TMEM132D: variants seen among roughly 807,000 people sequenced by gnomAD.
TMEM132D encodes the protein mature OL transmembrane protein.
Under a neutral mutation model 62.3 loss-of-function variants are expected in TMEM132D, and 21 were observed. That is an observed-to-expected ratio of 0.34 (90% CI 0.24 to 0.49). TMEM132D has a LOEUF of 0.49. TMEM132D is among the 20% of genes least tolerant of loss of function. The pLI, the probability that TMEM132D is intolerant of heterozygous loss-of-function variation, is 0.99. For synonymous variants in TMEM132D, 621 were observed against 575.6 expected (o/e 1.08, Z -1.13); for missense variants, 1,346 against 1,402.8 (o/e 0.96, Z 0.65).
chr12:129,332,097 G>A (rs1869123490), intron 4 of TMEM132D, among the ~76,000 whole-genome samples: 1 of 152,162 alleles, frequency 6.6e-6, no homozygotes, highest in Admixed American at 6.5e-5. Context: ...GTAAACACCA[G>A]TCTCCAGATT....
At chr12:129,751,242 T>C (rs1014792653) in intron 1 of TMEM132D, among the ~76,000 whole-genome samples, 2 of 152,106 alleles carry the variant, frequency 1.3e-5, no homozygotes, top group African/African-American at 2.4e-5. Context: ...CTTACAATCA[T>C]GGTGGGAGGC....
intron 4 of TMEM132D, among the ~76,000 whole-genome samples, chr12:129,299,784 G>C (rs1167225934): frequency 1.3e-5 from 2 of 152,148 alleles, no homozygotes; most frequent in East Asian, 3.8e-4. Flanking sequence ...CGTTCTCATG[G>C]TGGTGCTAAA....
intron 3 of TMEM132D, among the ~76,000 whole-genome samples, chr12:129,357,470 A>G (rs1593349807): frequency 6.6e-6 from 1 of 151,288 alleles, no homozygotes; most frequent in Non-Finnish European, 1.5e-5. Flanking sequence ...CAAGCAGTAG[A>G]AAAAGGAAGG....
intron 4 of TMEM132D, among the ~76,000 whole-genome samples, chr12:129,295,646 A>G (rs975526443): frequency 6.6e-6 from 1 of 151,406 alleles, no homozygotes; most frequent in East Asian, 1.9e-4. Flanking sequence ...ACACTCACAC[A>G]CTCTCACACA....
chr12:129,562,315 A>C (rs1378363485), intron 2 of TMEM132D, among the ~76,000 whole-genome samples: 1 of 152,078 alleles, frequency 6.6e-6, no homozygotes, highest in Non-Finnish European at 1.5e-5. Flanking sequence ...GGCACACTCT[A>C]CTCTTAGTGA....
At chr12:129,834,347 C>A (rs957928255) in intron 1 of TMEM132D, among the ~76,000 whole-genome samples, 1 of 152,088 alleles carries the variant, frequency 6.6e-6, no homozygotes, top group Non-Finnish European at 1.5e-5. Flanking sequence ...CCACCACCAT[C>A]GGGCCAGCAT....
chr12:129,840,696 A>G (rs1460995560), intron 1 of TMEM132D, among the ~76,000 whole-genome samples: 1 of 152,052 alleles, frequency 6.6e-6, no homozygotes, highest in Non-Finnish European at 1.5e-5. Flanking sequence ...TCCCAGGCCA[A>G]CTCCAGACTG....
At chr12:129,483,798 A>G (rs1172752463) in intron 3 of TMEM132D, among the ~76,000 whole-genome samples, 1 of 152,234 alleles carries the variant, frequency 6.6e-6, no homozygotes, top group East Asian at 1.9e-4. Flanking sequence ...AGAGCATTTC[A>G]GCAGAACTGT....
intron 2 of TMEM132D, among the ~76,000 whole-genome samples, chr12:129,645,493 AT>A (rs1455005576): frequency 6.6e-6 from 1 of 152,192 alleles, no homozygotes; most frequent in African/African-American, 2.4e-5. Flanking sequence ...AGTCTGTCTT[AT>A]GTCGGTGATT....
At chr12:129,803,810 AAAAG>A (rs1211226696) in intron 1 of TMEM132D, among the ~76,000 whole-genome samples, 2 of 151,258 alleles carry the variant, frequency 1.3e-5, no homozygotes, top group Admixed American at 1.3e-4. Flanking sequence ...AATAAAGAAA[AAAAG>A]AGAGAAGAAT....
At chr12:129,805,365 C>T (rs1331116573) in intron 1 of TMEM132D, among the ~76,000 whole-genome samples, 4 of 151,976 alleles carry the variant, frequency 2.6e-5, no homozygotes, top group Admixed American at 2.0e-4. Flanking sequence ...TGGAACAGAA[C>T]AGAGCCCTCA....
chr12:129,614,587 A>C (rs1163161862), intron 2 of TMEM132D, among the ~76,000 whole-genome samples: 1 of 152,242 alleles, frequency 6.6e-6, no homozygotes, highest in Non-Finnish European at 1.5e-5. Flanking sequence ...AGCGAACGGC[A>C]GTCCAAAATT....
chr12:129,513,312 G>C (rs1875549070), intron 3 of TMEM132D, among the ~76,000 whole-genome samples: 1 of 152,078 alleles, frequency 6.6e-6, no homozygotes, highest in Non-Finnish European at 1.5e-5. Flanking sequence ...TTGAGGGTGA[G>C]AGCTTACTAC....
At chr12:129,260,733 T>C (rs1880528601) in intron 4 of TMEM132D, among the ~76,000 whole-genome samples, 1 of 152,200 alleles carries the variant, frequency 6.6e-6, no homozygotes, top group Non-Finnish European at 1.5e-5. Flanking sequence ...CCTCGTAGCT[T>C]TAACTCTCAC....
intron 3 of TMEM132D, among the ~76,000 whole-genome samples, chr12:129,476,932 G>A (rs893324072): frequency 5.9e-5 from 9 of 152,062 alleles, no homozygotes; most frequent in African/African-American, 1.9e-4. Context: ...TCTACCAATC[G>A]TTTTTTGTCC....
At chr12:129,188,289 C>T (rs188670276) in intron 5 of TMEM132D, among the ~76,000 whole-genome samples, 1 of 152,286 alleles carries the variant, frequency 6.6e-6, no homozygotes, top group Non-Finnish European at 1.5e-5. Flanking sequence ...GGGTGCAGCT[C>T]AGGGGGCCCA....
At chr12:129,580,786 T>C (rs1242549900) in intron 2 of TMEM132D, among the ~76,000 whole-genome samples, 1 of 152,136 alleles carries the variant, frequency 6.6e-6, no homozygotes, top group Non-Finnish European at 1.5e-5. Flanking sequence ...TTTATCCTGT[T>C]AGTGTAAATT....
At chr12:129,172,228 C>T (rs1315069489) in intron 5 of TMEM132D, among the ~76,000 whole-genome samples, 1 of 152,248 alleles carries the variant, frequency 6.6e-6, no homozygotes, top group East Asian at 1.9e-4. Flanking sequence ...CTGCAGCTTC[C>T]TCGCTCCTCT....
chr12:129,215,556 C>A (rs994441437), intron 4 of TMEM132D, among the ~76,000 whole-genome samples: 15 of 152,184 alleles, frequency 9.9e-5, no homozygotes, highest in African/African-American at 3.6e-4. Flanking sequence ...TCTTTCCTTT[C>A]TTCCTGCCCA....
Sources: allele counts gnomAD v4.1 joint callset (sites outside exome capture counted in the v4.1 genomes callset), GRCh38; gene constraint gnomAD v4.1.1; transcripts MANE v1.5; gene names NCBI Gene and HGNC (gene_info 2026-07-23, HGNC 2026-07-21).